The following MCTP1 variants were observed in gnomAD, a reference collection of about 807,000 sequenced individuals.
The protein encoded by MCTP1 is multiple C2 and transmembrane domain-containing protein 1.
A neutral mutation model predicts 120.6 loss-of-function variants in MCTP1; 69 were observed. That is an observed-to-expected ratio of 0.57 (90% CI 0.47 to 0.70). The LOEUF (loss-of-function observed/expected upper bound fraction) is 0.70, where lower values mean the gene tolerates loss of function less well. Ranked by LOEUF, MCTP1 falls within the 30% of genes least tolerant of loss-of-function variation. The pLI is 0.00. For synonymous variants in MCTP1, 529 were observed against 493.1 expected (o/e 1.07, Z -0.96); for missense variants, 1,203 against 1,248.8 (o/e 0.96, Z 0.55).
At chr5:94,727,344 C>G (rs973995313) in intron 19 of MCTP1, among the ~76,000 whole-genome samples, 1 of 152,104 alleles carries the variant, frequency 6.6e-6, no homozygotes, top group African/African-American at 2.4e-5. Context: ...TTTTCCCCAA[C>G]AAGATGCTGT....
chr5:94,808,489 C>T (rs1371956740), intron 17 of MCTP1, among the ~76,000 whole-genome samples: 2 of 152,112 alleles, frequency 1.3e-5, no homozygotes, highest in Non-Finnish European at 2.9e-5. Context: ...CACAATGATA[C>T]AGGGAGCATT....
rs539978448 is a variant in MCTP1 at position 94,995,281 on chromosome 5, C to A, written c.838+22086G>T. 9.9e-5 allele frequency among the ~76,000 whole-genome samples: 15 copies of A among 152,232 alleles called. No homozygotes were observed. The East Asian group carries it at 2.9e-3, about 29-fold the overall frequency. Reference sequence around the variant, plus strand: ...AACACAGATTCGTGGGTCTCATTTCCAGAGTTTATGATTCAGTAGGTCTGG... The same window carrying A: ...AACACAGATTCGTGGGTCTCATTTCAAGAGTTTATGATTCAGTAGGTCTGG... On this transcript the variant is annotated intron_variant, in intron 2 of 22. Transcript: ENST00000515393.
chr5:95,243,598 G>T (rs555336109), intron 1 of MCTP1, among the ~76,000 whole-genome samples: 72 of 152,294 alleles, frequency 4.7e-4, no homozygotes, highest in Non-Finnish European at 8.5e-4. Context: ...GAAAGCAGGA[G>T]AAAAGAAAAT....
chr5:94,734,833 C>T (rs1763855815), intron 19 of MCTP1, among the ~76,000 whole-genome samples: 1 of 151,936 alleles, frequency 6.6e-6, no homozygotes, highest in Non-Finnish European at 1.5e-5. Flanking sequence ...CTTATTTAAC[C>T]ATGTTTCTTA....
At chr5:95,256,350 T>C (rs1562281964) in intron 1 of MCTP1, among the ~76,000 whole-genome samples, 1 of 152,228 alleles carries the variant, frequency 6.6e-6, no homozygotes, top group African/African-American at 2.4e-5. Context: ...GGCAGATGTC[T>C]GCTGGCAAAC....
chr5:94,774,681 T>C (rs1455309765), intron 19 of MCTP1, among the ~76,000 whole-genome samples: 1 of 151,974 alleles, frequency 6.6e-6, no homozygotes, highest in Non-Finnish European at 1.5e-5. Context: ...AAAAAGTGAG[T>C]GTTGTTTTGA....
chr5:94,954,271 G>A (rs1347048514), intron 2 of MCTP1, among the ~76,000 whole-genome samples: 1 of 147,714 alleles, frequency 6.8e-6, no homozygotes, highest in East Asian at 2.0e-4. Context: ...GATGGAACAG[G>A]AGGCCATTAC....
intron 18 of MCTP1, among the ~76,000 whole-genome samples, chr5:94,786,822 T>G (rs1382201421): frequency 6.6e-6 from 1 of 152,222 alleles, no homozygotes; most frequent in East Asian, 1.9e-4. Flanking sequence ...AAGATAATTC[T>G]CCATTTAAAT....
At chr5:95,125,063 T>C (rs1467325865) in intron 1 of MCTP1, among the ~76,000 whole-genome samples, 1 of 152,160 alleles carries the variant, frequency 6.6e-6, no homozygotes, top group Non-Finnish European at 1.5e-5. Flanking sequence ...ATTTTAAGGG[T>C]CAAGGATTTT....
intron 18 of MCTP1, among the ~76,000 whole-genome samples, chr5:94,798,575 C>A (rs1206183252): frequency 6.6e-6 from 1 of 152,124 alleles, no homozygotes; most frequent in Non-Finnish European, 1.5e-5. Flanking sequence ...TCCAGGTCAA[C>A]AACCATCAAT....
intron 1 of MCTP1, among the ~76,000 whole-genome samples, chr5:95,203,577 C>G (rs925151403): frequency 1.3e-4 from 20 of 152,148 alleles, no homozygotes; most frequent in Non-Finnish European, 5.9e-5. Flanking sequence ...GGATTTCTTT[C>G]TTCACTTATG....
intron 1 of MCTP1, among the ~76,000 whole-genome samples, chr5:95,198,834 T>C (rs958602743): frequency 2.0e-5 from 3 of 152,212 alleles, no homozygotes; most frequent in Non-Finnish European, 2.9e-5. Flanking sequence ...GTAAATATTA[T>C]ACTTAAAGTT....
At chr5:95,132,572 C>G (rs1417737890) in intron 1 of MCTP1, among the ~76,000 whole-genome samples, 1 of 152,132 alleles carries the variant, frequency 6.6e-6, no homozygotes, top group East Asian at 1.9e-4. Flanking sequence ...GCGCAGTTGC[C>G]TTCTTACAGA....
chr5:95,269,025 G>A lies in MCTP1; in HGVS notation c.720+14831C>T, dbSNP rs73142056. ...GAGCTCTGCTGTTTACCAGCTTTGT[G>A]ACCTTGAGAAATGTCCTCATTTTTT... is the stretch of plus-strand genomic sequence containing the variant. On this transcript the variant is annotated intron_variant, in intron 1 of 22. Coordinates refer to ENST00000515393, the MANE Select transcript of MCTP1 (RefSeq NM_024717.7). 4.1e-3 allele frequency among the ~76,000 whole-genome samples: 622 copies of A among 152,256 alleles called. 4 individuals are homozygous for A. Among genetic ancestry groups the A allele is most frequent in the African/African-American group, 0.014 (589 of 41,554 alleles).
rs1253080195 is a variant in MCTP1 at position 95,144,960 on chromosome 5, A to G, written c.721-127476T>C. 3.3e-5 allele frequency among the ~76,000 whole-genome samples: 5 copies of G among 152,220 alleles called. No homozygotes were observed. In the East Asian group the frequency reaches 9.6e-4, roughly 29 times the overall value. Reference sequence around the variant, plus strand: ...AAATGACGTTGATATTTTGATAGAGATGGCATTGAATCTGTAAATTGCTTT... The same window carrying G: ...AAATGACGTTGATATTTTGATAGAGGTGGCATTGAATCTGTAAATTGCTTT... On this transcript the variant is annotated intron_variant, in intron 1 of 22. Transcript: ENST00000515393.
rs3037035 is a variant in MCTP1, at chr5:95,151,130, C to CATATATATATATATATATAT, written c.720+132706_720+132725dup. Among the ~76,000 whole-genome samples the CATATATATATATATATATAT allele has an allele frequency of 4.8e-4, 60 of 125,936 alleles. 1 individual carries two copies. Among genetic ancestry groups the CATATATATATATATATATAT allele is most frequent in the Middle Eastern group, 8.1e-3 (2 of 246 alleles). 82.6% of individuals were successfully genotyped at this position (125,936 alleles called of 152,430 possible). The stretch of plus-strand genomic sequence containing the variant: ...CAGGTGTGCACCACCACGCCTGGCT[C>CATATATATATATATATATAT]ATATATATATATATATATATATATA... On this transcript the variant is annotated intron_variant, in intron 1 of 22. Transcript: ENST00000515393.
chr5:95,194,851 C>A (rs554998090), intron 1 of MCTP1, among the ~76,000 whole-genome samples: 1 of 152,126 alleles, frequency 6.6e-6, no homozygotes, highest in Non-Finnish European at 1.5e-5. Context: ...TAAAACAGAG[C>A]CCTGGACGCC....
intron 18 of MCTP1, among the ~76,000 whole-genome samples, chr5:94,796,458 G>A (rs255343): frequency 0.69 from 104,060 of 150,600 alleles, 36,803 homozygotes; most frequent in Non-Finnish European, 0.78. Context: ...ATGGACTTAC[G>A]GGAAAATACC....
intron 8 of MCTP1, among the ~76,000 whole-genome samples, chr5:94,914,976 T>C (rs572640192): frequency 2.5e-4 from 38 of 152,344 alleles, no homozygotes; most frequent in African/African-American, 8.7e-4. Flanking sequence ...AACAGCAGAC[T>C]CTAGAGAATT....
Sources: allele counts gnomAD v4.1 joint callset (sites outside exome capture counted in the v4.1 genomes callset), GRCh38; gene constraint gnomAD v4.1.1; transcripts MANE v1.5; gene names NCBI Gene and HGNC (gene_info 2026-07-23, HGNC 2026-07-21).